ITSN2: variants seen among roughly 807,000 people sequenced by gnomAD.
ITSN2 encodes the protein intersectin-2.
ITSN2 carries 156 observed loss-of-function variants against 243.7 expected under a neutral mutation model. The ratio of observed to expected loss-of-function variants is 0.64; its 90% CI spans 0.56 to 0.73. ITSN2 has a LOEUF of 0.73. Among genes scored for constraint, ITSN2 ranks in the 30% least tolerant of loss-of-function variants. The probability of loss-of-function intolerance (pLI) is 0.00; values close to 1 mark genes in which losing one functional copy is unlikely to be tolerated. For missense variants in ITSN2, 1,801 were observed against 1,996.1 expected (o/e 0.90, Z 1.86); for synonymous variants, 703 against 699.9 (o/e 1.00, Z -0.07).
chr2:24,317,405 C>G (rs1684068279), intron 2 of ITSN2, among the ~76,000 whole-genome samples: 1 of 150,578 alleles, frequency 6.6e-6, no homozygotes, highest in African/African-American at 2.4e-5. Flanking sequence ...AAAAAAGCGG[C>G]AACTATCCCT....
chr2:24,286,336 A>C lies in ITSN2; in HGVS notation c.1739T>G (p.Leu580Ter). ...CTTTTCTAATGATTTTTTATGAAGTAAACTGACCCCTGAATCTGAAAAACA... is the reference window on the plus strand; with the variant it reads ...CTTTTCTAATGATTTTTTATGAAGTCAACTGACCCCTGAATCTGAAAAACA... ...FSNTPDSGVS[L>*]LHKKSLEKEE... is the part of the protein sequence containing the mutation. Residue 580 changes from leucine (L) to a stop codon, truncating the protein, a stop_gained, in exon 16 of 40, where the codon TTA (leucine) becomes TGA (stop). Transcript: ENST00000355123. LOFTEE classifies it high-confidence loss of function. The C allele has an allele frequency of 6.2e-7, 1 of 1,611,926 alleles. No homozygotes were observed. Among genetic ancestry groups the C allele is most frequent in the Non-Finnish European group, 8.5e-7 (1 of 1,178,560 alleles).
intron 1 of ITSN2, among the ~76,000 whole-genome samples, chr2:24,353,894 C>A (rs1200906220): frequency 6.6e-6 from 1 of 151,924 alleles, no homozygotes; most frequent in Non-Finnish European, 1.5e-5. Flanking sequence ...ATATACTAAG[C>A]CAAGTATCAT....
At chr2:24,293,425 G>T in intron 15 of ITSN2, 1 of 229,924 alleles carries the variant, frequency 4.3e-6, no homozygotes, top group Non-Finnish European at 8.4e-6. Flanking sequence ...CACTTTATTT[G>T]ATGTTTCAAT....
At chr2:24,254,476 A>C in intron 23 of ITSN2, 45 bp from the exon 24 acceptor site, 1 of 1,457,132 alleles carries the variant, frequency 6.9e-7, no homozygotes, top group Non-Finnish European at 9.6e-7. Flanking sequence ...AACAAATACA[A>C]GCAAAAATAA....
intron 1 of ITSN2, among the ~76,000 whole-genome samples, chr2:24,356,157 G>A (rs1386932847): frequency 1.3e-5 from 2 of 149,694 alleles, no homozygotes; most frequent in Non-Finnish European, 3.0e-5. Flanking sequence ...AGCCAAGATC[G>A]CACCATTGCA....
intron 29 of ITSN2, among the ~76,000 whole-genome samples, chr2:24,244,066 AT>A (rs1673061151): frequency 6.6e-6 from 1 of 152,234 alleles, no homozygotes. Context: ...CTATACTAAA[AT>A]AGCAGACGAA....
intron 17 of ITSN2, 23 bp downstream of exon 17, chr2:24,284,740 G>T (rs1679246508): frequency 7.2e-7 from 1 of 1,394,594 alleles, no homozygotes; most frequent in Non-Finnish European, 1.0e-6. Flanking sequence ...TCAAAGAAAA[G>T]AAGCTAGATA....
intron 19 of ITSN2, 95 bp from the exon 20 acceptor site, chr2:24,270,863 A>G (rs1677253465): frequency 1.5e-6 from 1 of 657,728 alleles, no homozygotes; most frequent in African/African-American, 1.8e-5. Flanking sequence ...GAAAAAATCA[A>G]GCACCAAATA....
At chr2:24,318,798 G>C (rs967526421) in intron 2 of ITSN2, among the ~76,000 whole-genome samples, 10 of 152,164 alleles carry the variant, frequency 6.6e-5, no homozygotes. Flanking sequence ...TCTAGAGCAG[G>C]AATTCCCAAC....
At chr2:24,284,698 CT>C (rs1236502138) in intron 17 of ITSN2, 64 bp downstream of exon 17, 142 of 909,592 alleles carry the variant, frequency 1.6e-4, no homozygotes, top group Non-Finnish European at 2.5e-4. Context: ...AAAGAATAGT[CT>C]AGTTTTAAAA....
At chr2:24,208,770 C>T (rs759456809) in intron 36 of ITSN2, among the ~76,000 whole-genome samples, 9 of 152,166 alleles carry the variant, frequency 5.9e-5, no homozygotes, top group Admixed American at 3.3e-4. Context: ...GGCCTGTGGC[C>T]CAAGGAGGCC....
At chr2:24,218,107 T>A in intron 30 of ITSN2, 94 bp from the exon 31 acceptor site, 1 of 762,518 alleles carries the variant, frequency 1.3e-6, no homozygotes, top group Non-Finnish European at 2.3e-6. Context: ...AAACTGAAAC[T>A]AATCAGATCA....
rs969558993 is a variant in ITSN2, at chr2:24,211,346, T to C, written c.4090-399A>G. 6.6e-6 allele frequency among the ~76,000 whole-genome samples: 1 copy of C among 152,202 alleles called. No homozygotes were observed. The highest frequency in any genetic ancestry group is 1.5e-5 in the Non-Finnish European group (1 of 68,032). On this transcript the variant is annotated intron_variant, in intron 33 of 39. Transcript: ENST00000355123. The surrounding 1 kb of genome is among the most constrained non-coding windows in gnomAD (Gnocchi z 4.1). ...GAACTTGCTGAATAGCAATGGTTCA[T>C]AACAATTTTGGGGTCACTGATCCTT... is the stretch of plus-strand genomic sequence containing the variant.
chr2:24,207,855 G>T (rs1053312654), intron 37 of ITSN2, among the ~76,000 whole-genome samples: 25 of 151,874 alleles, frequency 1.6e-4, no homozygotes, highest in African/African-American at 6.0e-4. Flanking sequence ...CCCTAGAGGA[G>T]GGTGAGGAGG....
chr2:24,269,809 C>T (rs1677124492), intron 20 of ITSN2, among the ~76,000 whole-genome samples: 1 of 152,180 alleles, frequency 6.6e-6, no homozygotes, highest in South Asian at 2.1e-4. Flanking sequence ...TTGGTTGTAT[C>T]TCTTCATCCA....
At chr2:24,359,966 C>G (rs534066422) in intron 1 of ITSN2, among the ~76,000 whole-genome samples, 1 of 152,194 alleles carries the variant, frequency 6.6e-6, no homozygotes, top group East Asian at 1.9e-4. Flanking sequence ...GAGGGGGCCA[C>G]GCCACCCCCG....
rs191797535 is a variant in ITSN2, at chr2:24,340,543, G to T, written c.-33-12428C>A. Among the ~76,000 whole-genome samples, 3 of 151,790 alleles carry T rather than the reference G, an allele frequency of 2.0e-5. No individual in the cohort carries two copies. In the East Asian group the frequency reaches 5.8e-4, roughly 29 times the overall value. Reference sequence around the variant, plus strand: ...CATCAAGATGAAGAAAGTCAAAATCGTCGCAGTCCCCAAAGTCCCCTCATG... The same window carrying T: ...CATCAAGATGAAGAAAGTCAAAATCTTCGCAGTCCCCAAAGTCCCCTCATG... On this transcript the variant is annotated intron_variant, in intron 1 of 39. Transcript: ENST00000355123.
intron 10 of ITSN2, 138 bp downstream of exon 10, chr2:24,301,827 C>G: frequency 2.5e-6 from 2 of 812,616 alleles, no homozygotes; most frequent in South Asian, 2.6e-5. Flanking sequence ...CTGGCCCACA[C>G]CTACTTCTAA....
intron 2 of ITSN2, among the ~76,000 whole-genome samples, chr2:24,320,723 C>G (rs1484761093): frequency 9.5e-6 from 1 of 105,548 alleles, no homozygotes; most frequent in Non-Finnish European, 1.9e-5. Flanking sequence ...AAACAAACAA[C>G]AACAACAACC....
Sources: allele counts gnomAD v4.1 joint callset (sites outside exome capture counted in the v4.1 genomes callset), GRCh38; gene constraint gnomAD v4.1.1; non-coding constraint Gnocchi (gnomAD v3.1); transcripts MANE v1.5; gene names NCBI Gene and HGNC (gene_info 2026-07-23, HGNC 2026-07-21).